The following COL18A1 variants were observed in gnomAD, a reference collection of about 807,000 sequenced individuals.
The protein encoded by COL18A1 is collagen type XVIII alpha 1 chain.
Under a neutral mutation model 168.0 loss-of-function variants are expected in COL18A1, and 133 were observed. The observed-to-expected ratio is 0.79, with a 90% CI of 0.69 to 0.91. The LOEUF is 0.91. COL18A1 is among the 40% of genes least tolerant of loss of function. The pLI is 0.00. For synonymous variants in COL18A1, 949 were observed against 809.0 expected (o/e 1.17, Z -2.94); for missense variants, 2,126 against 1,925.4 (o/e 1.10, Z -1.95).
chr21:45,409,043 GCTGTGT>G (rs1229526108), intron 2 of COL18A1, among the ~76,000 whole-genome samples: 2 of 152,230 alleles, frequency 1.3e-5, no homozygotes, highest in African/African-American at 4.8e-5. Context: ...GCTGGCTGTG[GCTGTGT>G]CTGGAGGGGC....
In COL18A1 at chr21:45,500,153, A is replaced by ATGTGGGTGTGTAGTGTGGGGGTGTATAG. The variant is rs1220303907; in HGVS notation, c.2683+2504_2683+2531dup. Among the ~76,000 whole-genome samples the ATGTGGGTGTGTAGTGTGGGGGTGTATAG allele has an allele frequency of 9.3e-3, 624 of 67,308 alleles. 14 individuals are homozygous for ATGTGGGTGTGTAGTGTGGGGGTGTATAG. Among genetic ancestry groups the ATGTGGGTGTGTAGTGTGGGGGTGTATAG allele is most frequent in the African/African-American group, 0.039 (581 of 14,994 alleles). 44.2% of individuals were successfully genotyped at this position (67,308 alleles called of 152,430 possible). ...TGTGGGTGGAGTGTGGAGTGTGTGC[A>ATGTGGGTGTGTAGTGTGGGGGTGTATAG]TGTGGGTGTGTAGTGTGGGGGTGTA... On this transcript the variant is annotated intron_variant, in intron 32 of 41. Transcript: ENST00000651438.
rs1602512435 is a variant in COL18A1 at position 45,484,270 on chromosome 21, TAG to T, written c.1701+1450_1701+1451del. On this transcript the variant is annotated intron_variant, in intron 15 of 41. Coordinates refer to ENST00000651438, the MANE Select transcript of COL18A1 (RefSeq NM_001379500.1). The stretch of plus-strand genomic sequence containing the variant: ...TCCAGCATATGTGCACACACACACA[TAG>T]GCACACACATCTCCAGCATATGTGC... 8.1e-5 allele frequency among the ~76,000 whole-genome samples: 8 copies of T among 98,892 alleles called. No individual in the cohort carries two copies. The East Asian group carries it at 1.7e-3, about 21-fold the overall frequency. 64.9% of individuals were successfully genotyped at this position (98,892 alleles called of 152,430 possible).
chr21:45,459,648 C>T (rs1461397313), intron 2 of COL18A1, among the ~76,000 whole-genome samples: 1 of 152,206 alleles, frequency 6.6e-6, no homozygotes, highest in Non-Finnish European at 1.5e-5. Context: ...AGCAGGGACC[C>T]TGTGGAGGGT....
At chr21:45,459,543 G>C (rs150795800) in intron 2 of COL18A1, among the ~76,000 whole-genome samples, 1 of 152,208 alleles carries the variant, frequency 6.6e-6, no homozygotes, top group Non-Finnish European at 1.5e-5. Flanking sequence ...TGTCCACCCC[G>C]CCGGCCCACC....
In COL18A1 at chr21:45,497,137, A is replaced by T. The variant is rs149720322; in HGVS notation, c.2620+45A>T. The T allele has an allele frequency of 2.1e-4, 255 of 1,241,356 alleles. 1 individual carries two copies. In the African/African-American group the frequency reaches 3.0e-3, roughly 15 times the overall value. 76.9% of individuals were successfully genotyped at this position (1,241,356 alleles called of 1,614,324 possible). ...AGCTGGGGACACAGGCTCTGAAGGG[A>T]TGCTCCAGAGCCCCACCTTCCTTCC... is the stretch of plus-strand genomic sequence containing the variant. On this transcript the variant is annotated intron_variant, in intron 31 of 41. Transcript: ENST00000651438.
intron 13 of COL18A1, among the ~76,000 whole-genome samples, chr21:45,481,737 G>A (rs571962973): frequency 2.0e-5 from 3 of 152,366 alleles, no homozygotes; most frequent in African/African-American, 7.2e-5. Flanking sequence ...TCTTCCCGCC[G>A]TGGTGCTGTC....
chr21:45,446,243 T>C (rs1009594292), intron 2 of COL18A1, among the ~76,000 whole-genome samples: 3 of 152,204 alleles, frequency 2.0e-5, no homozygotes, highest in African/African-American at 7.2e-5. Context: ...CCGTAGGTTA[T>C]GAGTTTATTC....
chr21:45,419,245 G>A (rs1370869187), intron 2 of COL18A1, among the ~76,000 whole-genome samples: 3 of 151,884 alleles, frequency 2.0e-5, no homozygotes, highest in African/African-American at 2.4e-5. Flanking sequence ...ACGTGATGCC[G>A]TGTGTGGTGA....
chr21:45,462,118 G>T (rs1312897874), intron 2 of COL18A1, among the ~76,000 whole-genome samples: 2 of 151,966 alleles, frequency 1.3e-5, no homozygotes, highest in African/African-American at 4.8e-5. Flanking sequence ...CAAAGTTTCT[G>T]TGACAAATCT....
chr21:45,438,660 C>T (rs1176610297), intron 2 of COL18A1, among the ~76,000 whole-genome samples: 2 of 152,202 alleles, frequency 1.3e-5, no homozygotes, highest in Admixed American at 6.5e-5. Context: ...TGCACTGAGC[C>T]CTTCCATGGC....
intron 15 of COL18A1, among the ~76,000 whole-genome samples, chr21:45,486,474 G>C (rs1404389111): frequency 9.0e-6 from 1 of 111,382 alleles, no homozygotes; most frequent in Non-Finnish European, 1.9e-5. Context: ...TCGCCTGCCC[G>C]GGAGCCAGGG....
At chr21:45,439,089 C>T (rs1220757574) in intron 2 of COL18A1, among the ~76,000 whole-genome samples, 2 of 152,264 alleles carry the variant, frequency 1.3e-5, no homozygotes, top group Admixed American at 6.5e-5. Context: ...CCAGGCATCC[C>T]ACAAATGTGA....
intron 20 of COL18A1, 39 bp downstream of exon 20, chr21:45,490,385 T>G: frequency 6.8e-7 from 1 of 1,471,146 alleles, no homozygotes; most frequent in Middle Eastern, 1.8e-4. Flanking sequence ...AGGGGGGGCG[T>G]GGAGCCCTGA....
At chr21:45,472,175 C>G (rs1399348094) in intron 3 of COL18A1, among the ~76,000 whole-genome samples, 1 of 151,948 alleles carries the variant, frequency 6.6e-6, no homozygotes, top group Non-Finnish European at 1.5e-5. Flanking sequence ...CAAGACCACC[C>G]AAGATGCACC....
intron 29 of COL18A1, 200 bp downstream of exon 29, chr21:45,495,632 GCA>G (rs1029831011): frequency 1.7e-6 from 1 of 592,886 alleles, no homozygotes; most frequent in Non-Finnish European, 3.1e-6. Context: ...AAACATGCAT[GCA>G]CATATATGGC....
chr21:45,480,270 C>A, intron 11 of COL18A1, 114 bp downstream of exon 11: 1 of 1,176,228 alleles, frequency 8.5e-7, no homozygotes, highest in Non-Finnish European at 1.2e-6. Flanking sequence ...GGGGTCTTGG[C>A]TGAGCTGAGG....
rs114899519 is a variant in COL18A1, at chr21:45,455,509, C to A, written c.107-12733C>A. On this transcript the variant is annotated intron_variant, in intron 2 of 41. Coordinates refer to ENST00000651438, the MANE Select transcript of COL18A1 (RefSeq NM_001379500.1). ...GGCACAGAGGCCCTCCCGCCGCCCG[C>A]AGCTCCAGCCGCACTGCCCCGATGG... The A allele has an allele frequency of 2.6e-3, 4,122 of 1,611,076 alleles. 79 individuals carry two copies. The African/African-American group carries it at 0.044, about 17-fold the overall frequency.
Position 45,512,334 on chromosome 21 carries a change from C to G in COL18A1, c.3956C>G (p.Ala1319Gly). Residue 1319 changes from alanine (A) to glycine (G), a missense_variant, in exon 42 of 42, where the codon GCG becomes GGG. Physicochemically the swap from Ala to Gly is moderately conservative, Grantham distance 60. Coordinates refer to ENST00000651438, the MANE Select transcript of COL18A1 (RefSeq NM_001379500.1). ...LGGRLLGQSA[A>G]SCHHAYIVLC... Reference sequence around the variant, plus strand: ...GGCAGGCTCCTGGGGCAGAGTGCCGCGAGCTGCCATCACGCCTACATCGTG... The same window carrying G: ...GGCAGGCTCCTGGGGCAGAGTGCCGGGAGCTGCCATCACGCCTACATCGTG... The G allele has an allele frequency of 6.2e-7, 1 of 1,612,658 alleles. No homozygotes were observed. The highest frequency in any genetic ancestry group is 8.5e-7 in the Non-Finnish European group (1 of 1,179,834).
chr21:45,494,361 C>T (rs923709318), intron 26 of COL18A1, 184 bp from the exon 27 acceptor site: 11 of 780,552 alleles, frequency 1.4e-5, no homozygotes, highest in African/African-American at 1.4e-4. Flanking sequence ...CTGTCCTCCC[C>T]AGGGCTGCCT....
Sources: allele counts gnomAD v4.1 joint callset (sites outside exome capture counted in the v4.1 genomes callset), GRCh38; gene constraint gnomAD v4.1.1; transcripts MANE v1.5; gene names NCBI Gene and HGNC (gene_info 2026-07-23, HGNC 2026-07-21).